IGFBP7: variants seen among roughly 807,000 people sequenced by gnomAD.
The protein encoded by IGFBP7 is insulin like growth factor binding protein 7, also known as insulin-like growth factor-binding protein 7.
In IGFBP7, 31 loss-of-function variants were observed where a neutral mutation model predicts 29.4. The observed-to-expected ratio is 1.05, with a 90% CI of 0.79 to 1.42. The LOEUF (loss-of-function observed/expected upper bound fraction) is 1.42, where lower values mean the gene tolerates loss of function less well. Among genes scored for constraint, IGFBP7 ranks in the 40% most tolerant of loss-of-function variants. The pLI is 0.00. For synonymous variants in IGFBP7, 172 were observed against 174.9 expected, an observed-to-expected ratio of 0.98 and a Z score of 0.13; for missense variants, 393 against 395.5, an observed-to-expected ratio of 0.99 and a Z score of 0.05.
At chr4:57,063,941 G>C (rs932152626) in intron 1 of IGFBP7, among the ~76,000 whole-genome samples, 8 of 152,224 alleles carry the variant, frequency 5.3e-5, no homozygotes, top group African/African-American at 1.9e-4. Flanking sequence ...GATTAACGCT[G>C]TAGCAACATA....
intron 1 of IGFBP7, among the ~76,000 whole-genome samples, chr4:57,109,367 G>A (rs1262135157): frequency 6.6e-6 from 1 of 152,094 alleles, no homozygotes; most frequent in Non-Finnish European, 1.5e-5. Context: ...TGAGGCAGAG[G>A]TTGCAGTGGG....
At chr4:57,084,710 G>C (rs573244019) in intron 1 of IGFBP7, among the ~76,000 whole-genome samples, 2 of 151,456 alleles carry the variant, frequency 1.3e-5, no homozygotes, top group Non-Finnish European at 2.9e-5. Flanking sequence ...AAAATCAGGG[G>C]CTGTCAAATG....
chr4:57,092,310 C>T (rs1169378896), intron 1 of IGFBP7, among the ~76,000 whole-genome samples: 1 of 152,088 alleles, frequency 6.6e-6, no homozygotes, highest in Non-Finnish European at 1.5e-5. Flanking sequence ...AAAAAGAAAA[C>T]TATTATAGTA....
chr4:57,046,788 CT>C, intron 1 of IGFBP7, among the ~76,000 whole-genome samples: 1 of 152,168 alleles, frequency 6.6e-6, no homozygotes, highest in East Asian at 1.9e-4. Flanking sequence ...ACCAAGTCAT[CT>C]GCAGTGCTGC....
chr4:57,110,367 C>G lies in IGFBP7; in HGVS notation c.-16G>C, dbSNP rs11573019. On this transcript the variant is annotated 5_prime_UTR_variant, in exon 1 of 5. Transcript: ENST00000295666. ...GCCGCTCCATGGCGGGGTGCGGTGG[C>G]AGCGGCAAGGGCGCGAGTGAGCCGT... 7.5e-7 allele frequency: 1 copy of G among 1,333,260 alleles called. No individual in the cohort carries two copies. The highest frequency in any genetic ancestry group is 9.6e-7 in the Non-Finnish European group (1 of 1,042,668). The allele number at this position is 1,333,260 out of a possible 1,614,324, so 82.6% of individuals were successfully genotyped here.
chr4:57,031,560 A>G (rs1723928256), intron 4 of IGFBP7, among the ~76,000 whole-genome samples: 2 of 152,202 alleles, frequency 1.3e-5, no homozygotes. Flanking sequence ...TGATGCATCA[A>G]AGGTACATCT....
intron 1 of IGFBP7, among the ~76,000 whole-genome samples, chr4:57,102,198 C>A (rs1345326874): frequency 6.6e-6 from 1 of 152,074 alleles, no homozygotes; most frequent in African/African-American, 2.4e-5. Flanking sequence ...GGACTCCATC[C>A]AAGGGTGTTC....
chr4:57,064,286 T>A (rs528160820), intron 1 of IGFBP7, among the ~76,000 whole-genome samples: 1 of 152,286 alleles, frequency 6.6e-6, no homozygotes, highest in Non-Finnish European at 1.5e-5. Context: ...CCTAGTGATC[T>A]TCCCACCTCG....
intron 1 of IGFBP7, among the ~76,000 whole-genome samples, chr4:57,090,048 TC>T (rs1395389316): frequency 2.0e-5 from 3 of 152,092 alleles, no homozygotes; most frequent in African/African-American, 7.2e-5. Context: ...ACACCTAAAC[TC>T]CCTGTTCTAC....
rs578230699 is a variant in IGFBP7 at position 57,073,195 on chromosome 4, T to C, written c.476-32262A>G. 574 of 1,222,162 alleles carry C rather than the reference T, an allele frequency of 4.7e-4. 1 individual carries two copies. The highest frequency in any genetic ancestry group is 6.3e-4 in the Admixed American group (28 of 44,506). 75.7% of individuals were successfully genotyped at this position (1,222,162 alleles called of 1,614,324 possible). A position where few individuals can be genotyped will look rare whatever the true frequency, so the allele number is the denominator to read the frequency against. On this transcript the variant is annotated intron_variant, in intron 1 of 4. Coordinates refer to ENST00000295666, the MANE Select transcript of IGFBP7 (RefSeq NM_001553.3). ...AGTTTTCCTTAGATGGTCTGTCCTTTCTGTGATTTTTGTATAGCACTCTGT... is the reference window on the plus strand; with the variant it reads ...AGTTTTCCTTAGATGGTCTGTCCTTCCTGTGATTTTTGTATAGCACTCTGT...
chr4:57,045,735 T>C (rs937492152), intron 1 of IGFBP7, among the ~76,000 whole-genome samples: 16 of 50,776 alleles, frequency 3.2e-4, no homozygotes, highest in African/African-American at 8.3e-4. Context: ...GAAAAACTCC[T>C]TTTTTTTTTT....
In IGFBP7 at chr4:57,110,206, A is replaced by C; in HGVS notation, c.146T>G (p.Leu49Arg). 7.2e-7 allele frequency: 1 copy of C among 1,379,508 alleles called. No individual in the cohort carries two copies. The highest frequency in any genetic ancestry group is 9.3e-7 in the Non-Finnish European group (1 of 1,075,264). 85.5% of individuals were successfully genotyped at this position (1,379,508 alleles called of 1,614,324 possible). Residue 49 changes from leucine (L) to arginine (R), a missense_variant, in exon 1 of 5, where the codon CTG becomes CGG. Transcript: ENST00000295666. The part of the protein sequence containing the change: ...SCPPLPPLGC[L>R]LGETRDACGC... ...GCACGCGTCGCGGGTCTCGCCCAGCAGGCAGCCCAGCGGGGGCAGGGGCGG... is the reference window on the plus strand; with the variant it reads ...GCACGCGTCGCGGGTCTCGCCCAGCCGGCAGCCCAGCGGGGGCAGGGGCGG...
intron 1 of IGFBP7, among the ~76,000 whole-genome samples, chr4:57,071,204 T>TG (rs34917245): frequency 7.2e-5 from 11 of 152,140 alleles, no homozygotes; most frequent in South Asian, 2.1e-4. Context: ...TTTGATATAT[T>TG]GGGGGGGAAT....
At chr4:57,104,498 T>C (rs1442336923) in intron 1 of IGFBP7, among the ~76,000 whole-genome samples, 1 of 152,192 alleles carries the variant, frequency 6.6e-6, no homozygotes, top group Non-Finnish European at 1.5e-5. Context: ...AACCCCTTTG[T>C]TTCAACTTTC....
intron 1 of IGFBP7, among the ~76,000 whole-genome samples, chr4:57,073,828 G>A (rs1393966327): frequency 6.6e-6 from 1 of 152,096 alleles, no homozygotes; most frequent in Non-Finnish European, 1.5e-5. Context: ...CTTCTAAAGC[G>A]TGTTCTCTTT....
At chr4:57,079,240 G>A (rs566694648) in intron 1 of IGFBP7, among the ~76,000 whole-genome samples, 2 of 149,664 alleles carry the variant, frequency 1.3e-5, no homozygotes, top group African/African-American at 4.9e-5. Flanking sequence ...GTGTGTGTGT[G>A]TGTGTTTTAA....
chr4:57,041,081 T>G (rs1724216127), intron 1 of IGFBP7, 148 bp from the exon 2 acceptor site: 5 of 662,370 alleles, frequency 7.5e-6, no homozygotes, highest in Non-Finnish European at 1.4e-5. Flanking sequence ...ACTGGCTTCC[T>G]CCTGCCACCA....
At chr4:57,106,185 C>T (rs1402150103) in intron 1 of IGFBP7, among the ~76,000 whole-genome samples, 1 of 152,126 alleles carries the variant, frequency 6.6e-6, no homozygotes, top group African/African-American at 2.4e-5. Context: ...GGATTACAGG[C>T]GTGAGCCATG....
chr4:57,102,016 C>T lies in IGFBP7; in HGVS notation c.475+7861G>A, dbSNP rs149421846. Among the ~76,000 whole-genome samples, 1,074 of 152,206 alleles carry T rather than the reference C, an allele frequency of 7.1e-3. 11 individuals carry two copies. Among genetic ancestry groups the T allele is most frequent in the African/African-American group, 0.024 (1,002 of 41,510 alleles). ...TTCCCTGGCTTAAAAATTTTTTTGA[C>T]GATAATTCAGGGTTCCCCAGCTGCT... On this transcript the variant is annotated intron_variant, in intron 1 of 4. Transcript: ENST00000295666.
Sources: gnomAD v4.1 joint callset for allele counts (sites outside exome capture counted in the v4.1 genomes callset) on GRCh38, gnomAD v4.1.1 for gene constraint, MANE v1.5 for transcripts, NCBI Gene and HGNC (gene_info 2026-07-23, HGNC 2026-07-21) for gene names.